ADAMTSL3: variants seen among roughly 807,000 people sequenced by gnomAD.
ADAMTSL3 encodes ADAMTS like 3.
Under a neutral mutation model 201.7 loss-of-function variants are expected in ADAMTSL3, and 128 were observed. That is an observed-to-expected ratio of 0.63 (90% CI 0.55 to 0.73). The LOEUF (loss-of-function observed/expected upper bound fraction) is 0.73, where lower values mean the gene tolerates loss of function less well. Among genes scored for constraint, ADAMTSL3 ranks in the 30% least tolerant of loss-of-function variants. The pLI, the probability that ADAMTSL3 is intolerant of heterozygous loss-of-function variation, is 0.00. For missense variants in ADAMTSL3, 1,990 were observed against 2,119.6 expected (o/e 0.94, Z 1.20); for synonymous variants, 738 against 748.4 (o/e 0.99, Z 0.23).
intron 7 of ADAMTSL3, among the ~76,000 whole-genome samples, chr15:83,852,137 G>A (rs2141747768): frequency 6.6e-6 from 1 of 152,032 alleles, no homozygotes; most frequent in South Asian, 2.1e-4. Context: ...TTTTGAGATG[G>A]AGTCTTGCTC....
chr15:83,994,211 G>A (rs1440495534), intron 23 of ADAMTSL3, among the ~76,000 whole-genome samples: 2 of 152,218 alleles, frequency 1.3e-5, no homozygotes, highest in Non-Finnish European at 2.9e-5. Flanking sequence ...AAACTGCCTG[G>A]AAAGATTAGA....
chr15:83,725,757 G>A (rs2062164985), intron 3 of ADAMTSL3, among the ~76,000 whole-genome samples: 1 of 151,998 alleles, frequency 6.6e-6, no homozygotes, highest in African/African-American at 2.4e-5. Flanking sequence ...CTATATGTCT[G>A]TTTTTTATGG....
chr15:83,930,242 T>A (rs2066332432), intron 17 of ADAMTSL3, among the ~76,000 whole-genome samples: 1 of 152,144 alleles, frequency 6.6e-6, no homozygotes, highest in Admixed American at 6.5e-5. Context: ...CATTTTTGAG[T>A]AGTGCTTTCA....
intron 23 of ADAMTSL3, among the ~76,000 whole-genome samples, chr15:84,007,338 C>T (rs1475963013): frequency 5.3e-5 from 8 of 152,214 alleles, no homozygotes; most frequent in Admixed American, 3.9e-4. Context: ...GGAGTGTAGA[C>T]ACTCTGGACA....
chr15:83,877,430 A>G (rs1407879611), intron 9 of ADAMTSL3, among the ~76,000 whole-genome samples: 2 of 152,202 alleles, frequency 1.3e-5, no homozygotes, highest in African/African-American at 2.4e-5. Flanking sequence ...GGTAATAACA[A>G]TGTATTTATG....
intron 8 of ADAMTSL3, among the ~76,000 whole-genome samples, chr15:83,867,737 A>G (rs1193513970): frequency 1.3e-5 from 2 of 152,188 alleles, no homozygotes; most frequent in Non-Finnish European, 2.9e-5. Flanking sequence ...TTTACCTGAC[A>G]GTACTTTCAT....
chr15:83,937,017 GC>G (rs1426822350), intron 17 of ADAMTSL3, among the ~76,000 whole-genome samples: 3 of 150,892 alleles, frequency 2.0e-5, no homozygotes, highest in Non-Finnish European at 2.9e-5. Context: ...AATTACAGAT[GC>G]TGGTGAGGTT....
At chr15:83,843,376 A>G (rs775899972) in intron 7 of ADAMTSL3, among the ~76,000 whole-genome samples, 7 of 152,174 alleles carry the variant, frequency 4.6e-5, no homozygotes, top group Non-Finnish European at 8.8e-5. Flanking sequence ...CAGGTTCCGT[A>G]TGCATGCGCT....
intron 2 of ADAMTSL3, among the ~76,000 whole-genome samples, chr15:83,674,716 C>CATATAT (rs1394294351): frequency 1.9e-4 from 26 of 139,478 alleles, no homozygotes; most frequent in African/African-American, 6.4e-4. Context: ...CATATATACA[C>CATATAT]ACATATATAC....
intron 4 of ADAMTSL3, among the ~76,000 whole-genome samples, chr15:83,788,049 T>C (rs1265094890): frequency 6.6e-6 from 1 of 152,210 alleles, no homozygotes; most frequent in African/African-American, 2.4e-5. Context: ...TCATGTAATA[T>C]ACAGCAATTA....
At chr15:83,717,860 G>A (rs545113062) in intron 3 of ADAMTSL3, among the ~76,000 whole-genome samples, 162 of 152,260 alleles carry the variant, frequency 1.1e-3, no homozygotes, top group African/African-American at 3.8e-3. Context: ...TTGCAGTGAC[G>A]TTATTGTTGA....
chr15:83,872,169 C>T (rs1031552670), intron 9 of ADAMTSL3, among the ~76,000 whole-genome samples: 15 of 151,902 alleles, frequency 9.9e-5, no homozygotes, highest in African/African-American at 3.4e-4. Context: ...ATCAAAAGAT[C>T]AGGGTTTGTT....
intron 4 of ADAMTSL3, among the ~76,000 whole-genome samples, chr15:83,783,384 C>T (rs12917432): frequency 0.15 from 22,504 of 151,952 alleles, 2,230 homozygotes; most frequent in Middle Eastern, 0.31. Context: ...AATTCTAAAA[C>T]AGTAGATTTG....
intron 3 of ADAMTSL3, among the ~76,000 whole-genome samples, chr15:83,762,184 G>A (rs2062817750): frequency 1.3e-5 from 2 of 152,006 alleles, no homozygotes; most frequent in African/African-American, 4.8e-5. Flanking sequence ...CTGAGCAGCT[G>A]GGGCTACTGG....
At chr15:83,742,496 A>C (rs183048432) in intron 3 of ADAMTSL3, among the ~76,000 whole-genome samples, 122 of 152,344 alleles carry the variant, frequency 8.0e-4, no homozygotes, top group African/African-American at 2.9e-3. Flanking sequence ...AGAAGAGTTA[A>C]AGCTTTCAAA....
chr15:83,722,912 A>G (rs371602083), intron 3 of ADAMTSL3, among the ~76,000 whole-genome samples: 2 of 152,292 alleles, frequency 1.3e-5, no homozygotes, highest in African/African-American at 4.8e-5. Context: ...ACATAAAAAT[A>G]CCATGAAAGT....
intron 19 of ADAMTSL3, 135 bp from the exon 20 acceptor site, chr15:83,970,348 GC>G: frequency 2.1e-6 from 2 of 934,476 alleles, no homozygotes; most frequent in Non-Finnish European, 3.3e-6. Context: ...AGATGTTCAA[GC>G]CTAGGAAATG....
intron 15 of ADAMTSL3, among the ~76,000 whole-genome samples, chr15:83,907,441 T>C (rs11631741): frequency 0.013 from 2,050 of 152,354 alleles, 19 homozygotes; most frequent in South Asian, 0.02. Context: ...TCTCGCTCTG[T>C]CACCCAGGCT....
At chr15:83,678,862 A>G (rs1455759576) in intron 2 of ADAMTSL3, among the ~76,000 whole-genome samples, 1 of 146,356 alleles carries the variant, frequency 6.8e-6, no homozygotes, top group East Asian at 1.9e-4. Flanking sequence ...TAAATATATT[A>G]TGACCATATT....
Sources: allele counts gnomAD v4.1 joint callset (sites outside exome capture counted in the v4.1 genomes callset), GRCh38; gene constraint gnomAD v4.1.1; transcripts MANE v1.5; gene names NCBI Gene and HGNC (gene_info 2026-07-23, HGNC 2026-07-21).